The following EIF4G2 variants were observed in gnomAD, a reference collection of about 807,000 sequenced individuals.
The protein encoded by EIF4G2 is DAP-5.
Under a neutral mutation model 117.7 loss-of-function variants are expected in EIF4G2, and 8 were observed. The observed-to-expected ratio is 0.07, with a 90% CI of 0.04 to 0.12. The LOEUF is 0.12. Among genes scored for constraint, EIF4G2 ranks in the 10% least tolerant of loss-of-function variants. The probability of loss-of-function intolerance (pLI) is 1.00; values close to 1 mark genes in which losing one functional copy is unlikely to be tolerated. For synonymous variants in EIF4G2, 413 were observed against 367.8 expected (o/e 1.12, Z -1.41); for missense variants, 812 against 1,086.2 (o/e 0.75, Z 3.55).
chr11:10,804,480 G>T, intron 5 of EIF4G2, 62 bp from the exon 6 acceptor site: 1 of 1,514,934 alleles, frequency 6.6e-7, no homozygotes, highest in Non-Finnish European at 8.8e-7. Context: ...CTTCCTTTAG[G>T]AAAAATACAA....
intron 11 of EIF4G2, 143 bp from the exon 12 acceptor site, chr11:10,802,578 C>A (rs1847457144): frequency 1.7e-5 from 20 of 1,205,166 alleles, no homozygotes; most frequent in Non-Finnish European, 2.2e-5. Flanking sequence ...CCAAAAATGG[C>A]AGACAAGGCT....
rs900380817 is a variant in EIF4G2 at position 10,797,741 on chromosome 11, C to T, written c.*75G>A. 19 of 1,415,304 alleles carry T rather than the reference C, an allele frequency of 1.3e-5. No individual in the cohort carries two copies. The highest frequency in any genetic ancestry group is 2.4e-5 in the South Asian group (2 of 83,664). The allele number at this position is 1,415,304 out of a possible 1,614,324, so 87.7% of individuals were successfully genotyped here. On this transcript the variant is annotated 3_prime_UTR_variant, in exon 22 of 22. Coordinates refer to ENST00000339995, the MANE Select transcript of EIF4G2 (RefSeq NM_001418.4). This position sits in a 1 kb window ranked among gnomAD's most constrained non-coding sequence, Gnocchi z 4.5. ...AAAACATTACAGCGGAATGAATTTT[C>T]GCAGTGGTTAGGTCAAATGCAGTTA... is the stretch of plus-strand genomic sequence containing the variant.
chr11:10,802,744 A>G (rs1237542904), intron 11 of EIF4G2, among the ~76,000 whole-genome samples: 3 of 152,144 alleles, frequency 2.0e-5, no homozygotes, highest in Admixed American at 6.6e-5. Flanking sequence ...GCGCACGCCT[A>G]TAGTCCCAGC....
At chr11:10,798,492 A>G (rs1188545063) in intron 21 of EIF4G2, among the ~76,000 whole-genome samples, 1 of 152,074 alleles carries the variant, frequency 6.6e-6, no homozygotes, top group Non-Finnish European at 1.5e-5. Context: ...TCCTGGGCTC[A>G]AGACATCCTC....
rs981715490 is a variant in EIF4G2 at position 10,808,116 on chromosome 11, A to C, written c.-87+589T>G. 1.1e-5 allele frequency: 11 copies of C among 1,045,858 alleles called. No individual in the cohort carries two copies. In the African/African-American group the frequency reaches 1.6e-4, roughly 15 times the overall value. The allele number at this position is 1,045,858 out of a possible 1,614,324, so 64.8% of individuals were successfully genotyped here. On this transcript the variant is annotated intron_variant, in intron 1 of 21. Coordinates refer to ENST00000339995, the MANE Select transcript of EIF4G2 (RefSeq NM_001418.4). ...CAAGCAGGAAGGCGGCCTCCTGCCC[A>C]CCCGCCGCCTCCAAGCGGGCCCCCT... is the stretch of plus-strand genomic sequence containing the variant.
intron 1 of EIF4G2, chr11:10,808,411 G>A (rs1267898938): frequency 2.4e-6 from 3 of 1,259,080 alleles, no homozygotes; most frequent in East Asian, 7.2e-5. Context: ...CGCCGTCCGA[G>A]CACAGCCGTG....
chr11:10,806,695 C>A, intron 3 of EIF4G2, 125 bp downstream of exon 3: 2 of 1,023,128 alleles, frequency 2.0e-6, no homozygotes, highest in Non-Finnish European at 2.9e-6. Context: ...TTTAGGATAC[C>A]CAACAGAAAC....
intron 14 of EIF4G2, 198 bp from the exon 15 acceptor site, chr11:10,801,285 T>C (rs1847408905): frequency 6.1e-6 from 4 of 660,264 alleles, no homozygotes; most frequent in Admixed American, 6.0e-5. Flanking sequence ...AGTAGTAAGA[T>C]ACTATTATAA....
rs147817871 is a variant in EIF4G2 at position 10,800,556 on chromosome 11, G to C, written c.1736C>G (p.Pro579Arg). 2 of 1,614,122 alleles carry C rather than the reference G, an allele frequency of 1.2e-6. No homozygotes were observed. The change falls in exon 17 of 22, where the codon CCT (proline) becomes CGT (arginine). Residue 579 changes from proline to arginine, a missense_variant. Physicochemically the swap from Pro to Arg is moderately radical, Grantham distance 103. This residue lies in a region of EIF4G2 where 571 missense variants were observed against 642.3 expected (regional missense o/e 0.89). Coordinates refer to ENST00000339995, the MANE Select transcript of EIF4G2 (RefSeq NM_001418.4). ...GATGATTACTTTGCTTAACATCTCA[G>C]GAAGAAAGTGTTTAGGAGCCCTCAT... is the stretch of plus-strand genomic sequence containing the variant.
intron 3 of EIF4G2, 65 bp downstream of exon 3, chr11:10,806,755 G>A (rs1285440316): frequency 1.7e-5 from 26 of 1,567,766 alleles, no homozygotes; most frequent in Middle Eastern, 1.7e-4. Flanking sequence ...TAATTATACC[G>A]TCACATGGGA....
chr11:10,807,919 G>T (rs1474001217), intron 1 of EIF4G2: 3 of 1,013,794 alleles, frequency 3.0e-6, no homozygotes, highest in Middle Eastern at 4.9e-4. Context: ...ATGGCAGCAG[G>T]AACCTCCGCC....
At position 10,805,904 on chromosome 11, in the gene EIF4G2, T is replaced by C; in HGVS notation, c.248+3A>G. 5 of 1,614,202 alleles carry C rather than the reference T, an allele frequency of 3.1e-6. No individual in the cohort carries two copies. The highest frequency in any genetic ancestry group is 2.5e-6 in the Non-Finnish European group (3 of 1,180,026). Reference sequence around the variant, plus strand: ...TTTTAGTAAAACAGACCTTGAAACTTACCCTCTTACTTTCCTGAAGATTGC... The same window carrying C: ...TTTTAGTAAAACAGACCTTGAAACTCACCCTCTTACTTTCCTGAAGATTGC... On this transcript the variant is annotated splice_donor_region_variant and intron_variant, in intron 4 of 21. Transcript: ENST00000339995.
rs1847480831 is a variant in EIF4G2, at chr11:10,803,408, T to C, written c.813+72A>G. ...AATGGCTAAATATGGCAATCCCTTA[T>C]GATGTCACAAAAATCAATAGCTTGA... On this transcript the variant is annotated intron_variant, in intron 9 of 21. Transcript: ENST00000339995. This position sits in a 1 kb window ranked among gnomAD's most constrained non-coding sequence, Gnocchi z 4.0. 3.8e-6 allele frequency: 6 copies of C among 1,561,690 alleles called. No individual in the cohort carries two copies. The highest frequency in any genetic ancestry group is 1.7e-5 in the Admixed American group (1 of 59,248).
rs1488871295 is a variant in EIF4G2 at position 10,807,340 on chromosome 11, T to C, written c.-45A>G. The C allele has an allele frequency of 1.9e-6, 3 of 1,609,532 alleles. No homozygotes were observed. The highest frequency in any genetic ancestry group is 4.5e-5 in the East Asian group (2 of 44,698). On this transcript the variant is annotated 5_prime_UTR_variant, in exon 2 of 22. Transcript: ENST00000339995. The stretch of plus-strand genomic sequence containing the variant: ...AGAATCTTCAAAAGAATAATATTAA[T>C]AGATGGGGTGGGGAGGGGAGGGGAC...
Position 10,804,588 on chromosome 11 carries a change from A to G in EIF4G2, c.352-170T>C, listed in dbSNP as rs1056202354. On this transcript the variant is annotated intron_variant, in intron 5 of 21. Transcript: ENST00000339995. Reference sequence around the variant, plus strand: ...TCCTGGGAGTCAGAAAATGCCATGGATATCAAAACTTTCAAGTCTACATAA... The same window carrying G: ...TCCTGGGAGTCAGAAAATGCCATGGGTATCAAAACTTTCAAGTCTACATAA... 12 of 817,020 alleles carry G rather than the reference A, an allele frequency of 1.5e-5. 1 individual carries two copies. The highest frequency in any genetic ancestry group is 1.4e-4 in the East Asian group (5 of 36,964). 50.6% of individuals were successfully genotyped at this position (817,020 alleles called of 1,614,324 possible). A position where few individuals can be genotyped will look rare whatever the true frequency, so the allele number is the denominator to read the frequency against.
chr11:10,800,830 A>G lies in EIF4G2; in HGVS notation c.1545T>C (p.Pro515=). ...GTGGATTAGTTTTGAGACCAAGCTG[A>G]GGTGTCTAAAAAACAAGCAATGACA... The change falls in exon 16 of 22, where the codon CCT becomes CCC. Residue 515 remains proline (P), a synonymous_variant. Transcript: ENST00000339995. 1 of 1,614,078 alleles carries G rather than the reference A, an allele frequency of 6.2e-7. No homozygotes were observed. Among genetic ancestry groups the G allele is most frequent in the Admixed American group, 1.7e-5 (1 of 60,016 alleles).
At chr11:10,807,987 T>C (rs546060585) in intron 1 of EIF4G2, 1 of 1,037,920 alleles carries the variant, frequency 9.6e-7, no homozygotes, top group African/African-American at 1.7e-5. Flanking sequence ...CAGGCGCAAG[T>C]TAGGGAAGTG....
At chr11:10,808,118 C>T in intron 1 of EIF4G2, 1 of 1,049,782 alleles carries the variant, frequency 9.5e-7, no homozygotes, top group South Asian at 2.3e-5. Context: ...TCCTGCCCAC[C>T]CGCCGCCTCC....
chr11:10,804,290 G>A lies in EIF4G2; in HGVS notation c.480C>T (p.Ser160=). ...GCAAACAAAAACTACCACTTACGGT[G>A]CTTTGCTTCTGTCCTGGTTGACCCT... Residue 160 remains serine (S), a synonymous_variant, in exon 6 of 22, where the codon AGC becomes AGT. Transcript: ENST00000339995. 1.2e-6 allele frequency: 2 copies of A among 1,613,718 alleles called. No homozygotes were observed. The highest frequency in any genetic ancestry group is 1.7e-5 in the Admixed American group (1 of 59,898).
Sources: gnomAD v4.1 joint callset for allele counts (sites outside exome capture counted in the v4.1 genomes callset) on GRCh38, gnomAD v4.1.1 for gene constraint, gnomAD v4.1.1 regional missense constraint, Gnocchi (gnomAD v3.1) non-coding constraint, MANE v1.5 for transcripts, NCBI Gene and HGNC (gene_info 2026-07-23, HGNC 2026-07-21) for gene names.